GRAMD1B: variants seen among roughly 807,000 people sequenced by gnomAD.
The protein encoded by GRAMD1B is GRAM domain containing 1B.
A neutral mutation model predicts 99.7 loss-of-function variants in GRAMD1B; 37 were observed. The ratio of observed to expected loss-of-function variants is 0.37; its 90% CI spans 0.29 to 0.49. The LOEUF (loss-of-function observed/expected upper bound fraction) is 0.49. GRAMD1B is among the 20% of genes least tolerant of loss of function. GRAMD1B has a pLI of 0.98. For missense variants in GRAMD1B, 888 were observed against 1,009.2 expected (o/e 0.88, Z 1.63); for synonymous variants, 427 against 387.6 (o/e 1.10, Z -1.19).
At chr11:123,382,188 T>C (rs538059478) in intron 1 of GRAMD1B, among the ~76,000 whole-genome samples, 2 of 152,324 alleles carry the variant, frequency 1.3e-5, no homozygotes, top group East Asian at 3.9e-4. Flanking sequence ...CATTATCTTT[T>C]TGAAAAATAA....
chr11:123,473,370 T>C (rs932219570), intron 1 of GRAMD1B, among the ~76,000 whole-genome samples: 1 of 152,148 alleles, frequency 6.6e-6, no homozygotes, highest in Non-Finnish European at 1.5e-5. Context: ...TGACAATTTC[T>C]TCTTAACTCC....
intron 2 of GRAMD1B, chr11:123,526,305 G>A (rs1942736100): frequency 2.6e-6 from 2 of 756,100 alleles, no homozygotes; most frequent in East Asian, 2.7e-5. Context: ...TGGGGACTAG[G>A]CACTTTAAAA....
chr11:123,404,267 A>G (rs1025416861), intron 1 of GRAMD1B, among the ~76,000 whole-genome samples: 28 of 151,842 alleles, frequency 1.8e-4, no homozygotes, highest in Non-Finnish European at 3.4e-4. Context: ...AGATTCATCA[A>G]TTCACTAGAT....
intron 1 of GRAMD1B, among the ~76,000 whole-genome samples, chr11:123,387,076 G>C (rs959064381): frequency 1.3e-5 from 2 of 152,176 alleles, no homozygotes; most frequent in Admixed American, 6.5e-5. Flanking sequence ...TCTTTTGGCA[G>C]AGACGTTTTG....
rs557995566 is a variant in GRAMD1B, at chr11:123,421,451, T to C, written c.-175-59365T>C. Among the ~76,000 whole-genome samples, 16 of 152,382 alleles carry C rather than the reference T, an allele frequency of 1.0e-4. No homozygotes were observed. The South Asian group carries it at 3.3e-3, about 32-fold the overall frequency. ...ATTAAGGTAACGCTTGACTGAAAGA[T>C]GTTTGATTCACATAAAACAGTTTCA... On this transcript the variant is annotated intron_variant, in intron 1 of 20. Coordinates refer to the GRAMD1B transcript ENST00000638157.
chr11:123,566,305 A>G (rs551495040), intron 2 of GRAMD1B, among the ~76,000 whole-genome samples: 8 of 152,224 alleles, frequency 5.3e-5, no homozygotes, highest in African/African-American at 1.7e-4. Flanking sequence ...ACAGAGTGAT[A>G]AGGCTAGCAG....
chr11:123,571,810 G>A (rs990605846), intron 2 of GRAMD1B, among the ~76,000 whole-genome samples: 7 of 152,026 alleles, frequency 4.6e-5, no homozygotes, highest in Admixed American at 2.6e-4. Context: ...CATGCTGTCC[G>A]CCACCCCGAA....
chr11:123,366,198 C>A (rs1338466770), intron 1 of GRAMD1B, among the ~76,000 whole-genome samples: 2 of 152,094 alleles, frequency 1.3e-5, no homozygotes, highest in Non-Finnish European at 2.9e-5. Context: ...AAGTGCATAC[C>A]CAGGTAAAAA....
intron 1 of GRAMD1B, among the ~76,000 whole-genome samples, chr11:123,434,879 A>G (rs1405571331): frequency 6.6e-6 from 1 of 152,232 alleles, no homozygotes; most frequent in African/African-American, 2.4e-5. Context: ...AAGTTCTATC[A>G]TCGATTAGCT....
intron 1 of GRAMD1B, among the ~76,000 whole-genome samples, chr11:123,415,091 C>CTTTTTTT (rs1948184246): frequency 2.1e-5 from 2 of 96,550 alleles, no homozygotes; most frequent in Non-Finnish European, 4.3e-5. Context: ...TTTTCTTTTT[C>CTTTTTTT]TTTCTTTTTT....
At chr11:123,557,402 C>G (rs1946279037) in intron 2 of GRAMD1B, among the ~76,000 whole-genome samples, 1 of 152,156 alleles carries the variant, frequency 6.6e-6, no homozygotes, top group Non-Finnish European at 1.5e-5. Context: ...GAAGAAATAC[C>G]ACGCACATAC....
rs372353094 is a variant in GRAMD1B at position 123,565,035 on chromosome 11, A to ATATTT, written c.453-12320_453-12316dup. ...TATATACTTTTATTAATGTAATTTC[A>ATATTT]TATTTTATTTTATTTTGAGAAAGGA... On this transcript the variant is annotated intron_variant, in intron 2 of 19. Transcript: ENST00000635736. Among the ~76,000 whole-genome samples the ATATTT allele has an allele frequency of 5.3e-3, 805 of 152,132 alleles. 11 individuals are homozygous for ATATTT. The highest frequency in any genetic ancestry group is 0.019 in the African/African-American group (784 of 41,486).
At chr11:123,389,745 T>C (rs897157471) in intron 1 of GRAMD1B, among the ~76,000 whole-genome samples, 22 of 152,028 alleles carry the variant, frequency 1.4e-4, no homozygotes, top group Non-Finnish European at 7.4e-5. Context: ...CTTCACAACT[T>C]TTTTCTAGGT....
chr11:123,401,935 G>T (rs1028647577), intron 1 of GRAMD1B, among the ~76,000 whole-genome samples: 12 of 152,078 alleles, frequency 7.9e-5, no homozygotes, highest in African/African-American at 2.7e-4. Flanking sequence ...AGAATGAATG[G>T]AGGAGTCAGT....
At chr11:123,410,435 A>G (rs879704777) in intron 1 of GRAMD1B, among the ~76,000 whole-genome samples, 14 of 152,234 alleles carry the variant, frequency 9.2e-5, no homozygotes, top group Admixed American at 5.2e-4. Flanking sequence ...AGAGAGCAAA[A>G]ACAAATACTT....
chr11:123,375,360 A>T (rs1377822452), intron 1 of GRAMD1B, among the ~76,000 whole-genome samples: 1 of 152,138 alleles, frequency 6.6e-6, no homozygotes, highest in Non-Finnish European at 1.5e-5. Context: ...GGAGTTTGAG[A>T]CCAGCCTGGG....
intron 2 of GRAMD1B, among the ~76,000 whole-genome samples, chr11:123,513,830 A>G (rs900979554): frequency 6.6e-6 from 1 of 151,212 alleles, no homozygotes; most frequent in Non-Finnish European, 1.5e-5. Flanking sequence ...CTAATTTTTT[A>G]TTTTTTGTAG....
rs530482540 is a variant in GRAMD1B at position 123,441,097 on chromosome 11, G to A, written c.374+9931G>A. Among the ~76,000 whole-genome samples, 15 of 152,232 alleles carry A rather than the reference G, an allele frequency of 9.9e-5. No individual in the cohort carries two copies. In the East Asian group the frequency reaches 2.7e-3, roughly 27 times the overall value. On this transcript the variant is annotated intron_variant, in intron 1 of 19. Coordinates refer to ENST00000635736, the MANE Select transcript of GRAMD1B (RefSeq NM_001387025.1). ...ACCTCTTTCTTTTGTAAATTTCCCA[G>A]TCTCAGGTATGTCTTTATTGGCAGC...
intron 2 of GRAMD1B, among the ~76,000 whole-genome samples, chr11:123,523,543 T>TA (rs35585443): frequency 0.62 from 92,497 of 149,454 alleles, 28,597 homozygotes; most frequent in African/African-American, 0.67. Context: ...TTTTTGTAGT[T>TA]AAAAAAAAAA....
Sources: gnomAD v4.1 joint callset for allele counts (sites outside exome capture counted in the v4.1 genomes callset) on GRCh38, gnomAD v4.1.1 for gene constraint, MANE v1.5 for transcripts, NCBI Gene and HGNC (gene_info 2026-07-23, HGNC 2026-07-21) for gene names.